SLC22A15: variants seen among roughly 807,000 people sequenced by gnomAD.
The protein encoded by SLC22A15 is solute carrier family 22 member 15, also known as flipt 1.
Under a neutral mutation model 62.7 loss-of-function variants are expected in SLC22A15, and 45 were observed. That is an observed-to-expected ratio of 0.72 (90% CI 0.56 to 0.92). SLC22A15 has a LOEUF of 0.92. Ranked by LOEUF, SLC22A15 falls within the 40% of genes least tolerant of loss-of-function variation. SLC22A15 has a pLI of 0.00. For missense variants in SLC22A15, 622 were observed against 665.6 expected (o/e 0.93, Z 0.72); for synonymous variants, 264 against 267.0 (o/e 0.99, Z 0.11).
chr1:116,062,643 C>T, intron 8 of SLC22A15, 119 bp from the exon 9 acceptor site: 2 of 1,149,612 alleles, frequency 1.7e-6, no homozygotes, highest in Non-Finnish European at 2.5e-6. Flanking sequence ...TTTGGTTACA[C>T]TATCTCTTTG....
chr1:116,066,487 G>A (rs781253223), intron 10 of SLC22A15, 33 bp from the exon 11 acceptor site: 6 of 1,494,694 alleles, frequency 4.0e-6, no homozygotes, highest in Admixed American at 2.2e-5. Flanking sequence ...CTAATTCTCT[G>A]GTTTATTTTC....
intron 3 of SLC22A15, among the ~76,000 whole-genome samples, 155 bp from the exon 4 acceptor site, chr1:116,020,566 C>CAAAAAAAAAAAAA (rs924158285): frequency 6.8e-6 from 1 of 147,276 alleles, no homozygotes. Flanking sequence ...AAAAAAAAAA[C>CAAAAAAAAAAAAA]AAAAAAACAA....
chr1:116,063,566 C>T (rs1052526965), intron 9 of SLC22A15, among the ~76,000 whole-genome samples: 5 of 152,162 alleles, frequency 3.3e-5, no homozygotes, highest in African/African-American at 1.2e-4. Flanking sequence ...CTTCTCCTTC[C>T]CTTATCCATG....
intron 4 of SLC22A15, among the ~76,000 whole-genome samples, chr1:116,024,704 A>G (rs1356056405): frequency 6.6e-6 from 1 of 152,204 alleles, no homozygotes; most frequent in Admixed American, 6.5e-5. Flanking sequence ...CAGAAGTCAG[A>G]TGCTTCTCAT....
At chr1:115,987,820 A>G (rs1654947269) in intron 1 of SLC22A15, among the ~76,000 whole-genome samples, 1 of 152,128 alleles carries the variant, frequency 6.6e-6, no homozygotes, top group Non-Finnish European at 1.5e-5. Context: ...TGGTTTTGCA[A>G]TTAGTGTTTT....
intron 5 of SLC22A15, among the ~76,000 whole-genome samples, chr1:116,028,204 G>C (rs12562630): frequency 0.11 from 17,299 of 152,092 alleles, 1,362 homozygotes; most frequent in African/African-American, 0.22. Context: ...AAAATGAATA[G>C]AGTAGAAGTG....
chr1:116,039,226 G>C (rs1657717259), intron 8 of SLC22A15, among the ~76,000 whole-genome samples: 3 of 152,150 alleles, frequency 2.0e-5, no homozygotes, highest in Non-Finnish European at 2.9e-5. Flanking sequence ...AAACGTGGAT[G>C]TATTGTCTAT....
chr1:116,000,598 G>A (rs1332164977), intron 2 of SLC22A15, among the ~76,000 whole-genome samples: 1 of 133,642 alleles, frequency 7.5e-6, no homozygotes, highest in Non-Finnish European at 1.6e-5. Context: ...AGTGAGTTTT[G>A]TATCTTCATG....
chr1:116,062,641 C>T, intron 8 of SLC22A15, 121 bp from the exon 9 acceptor site: 1 of 1,117,334 alleles, frequency 8.9e-7, no homozygotes, highest in Non-Finnish European at 1.3e-6. Context: ...TATTTGGTTA[C>T]ACTATCTCTT....
chr1:115,982,218 C>T (rs12071340), intron 1 of SLC22A15, among the ~76,000 whole-genome samples: 2,942 of 152,248 alleles, frequency 0.019, 92 homozygotes, highest in African/African-American at 0.067. Flanking sequence ...TGACCAAACA[C>T]TCATGCAAAT....
intron 2 of SLC22A15, among the ~76,000 whole-genome samples, chr1:116,019,189 A>G (rs1476076345): frequency 6.6e-6 from 1 of 152,234 alleles, no homozygotes; most frequent in African/African-American, 2.4e-5. Flanking sequence ...CAAAAAGTTC[A>G]TGTATTTATT....
chr1:115,988,224 T>A (rs1329258688), intron 1 of SLC22A15, among the ~76,000 whole-genome samples: 3 of 152,168 alleles, frequency 2.0e-5, no homozygotes, highest in Non-Finnish European at 4.4e-5. Flanking sequence ...GTGGTTGCTG[T>A]TTGTGGCTTT....
At chr1:115,979,273 A>G (rs1654477124) in intron 1 of SLC22A15, among the ~76,000 whole-genome samples, 1 of 152,212 alleles carries the variant, frequency 6.6e-6, no homozygotes, top group Admixed American at 6.5e-5. Flanking sequence ...TTACTTCACT[A>G]TCCAGTTTCC....
At chr1:116,066,263 T>C (rs1001173529) in intron 10 of SLC22A15, among the ~76,000 whole-genome samples, 1 of 152,188 alleles carries the variant, frequency 6.6e-6, no homozygotes, top group Non-Finnish European at 1.5e-5. Context: ...ACCCCGGACA[T>C]GAAATTGCTG....
intron 2 of SLC22A15, among the ~76,000 whole-genome samples, chr1:116,010,557 C>G (rs909548705): frequency 6.6e-6 from 1 of 152,108 alleles, no homozygotes; most frequent in African/African-American, 2.4e-5. Flanking sequence ...CCTGAAATAC[C>G]CTGTCCAAGT....
intron 1 of SLC22A15, among the ~76,000 whole-genome samples, chr1:115,982,355 C>T (rs1339591230): frequency 2.1e-4 from 32 of 152,154 alleles, no homozygotes; most frequent in Admixed American, 2.1e-3. Context: ...GTAAAGCATG[C>T]TCACATTTTG....
At chr1:116,024,374 G>A (rs1436964129) in intron 4 of SLC22A15, among the ~76,000 whole-genome samples, 1 of 152,144 alleles carries the variant, frequency 6.6e-6, no homozygotes, top group African/African-American at 2.4e-5. Context: ...CTAACCTGCT[G>A]AAGTTTAGCT....
intron 8 of SLC22A15, among the ~76,000 whole-genome samples, chr1:116,061,718 A>G (rs1658384108): frequency 6.6e-6 from 1 of 152,132 alleles, no homozygotes; most frequent in African/African-American, 2.4e-5. Flanking sequence ...GTAGAATCCC[A>G]GAAAGTATAA....
At chr1:115,991,897 T>A in intron 1 of SLC22A15, 134 bp from the exon 2 acceptor site, 1 of 690,106 alleles carries the variant, frequency 1.4e-6, no homozygotes, top group Admixed American at 3.0e-5. Context: ...TTGTTTCTGA[T>A]GTGGCTTATA....
Sources: gnomAD v4.1 joint callset for allele counts (sites outside exome capture counted in the v4.1 genomes callset) on GRCh38, gnomAD v4.1.1 for gene constraint, MANE v1.5 for transcripts, NCBI Gene and HGNC (gene_info 2026-07-23, HGNC 2026-07-21) for gene names.